Variants in RGS12 observed in about 807,000 individuals in gnomAD.
The protein encoded by RGS12 is regulator of G protein signaling 12.
RGS12 carries 66 observed loss-of-function variants against 120.1 expected under a neutral mutation model. The ratio of observed to expected loss-of-function variants is 0.55; its 90% CI spans 0.45 to 0.67. RGS12 has a LOEUF of 0.67. Among genes scored for constraint, RGS12 ranks in the 30% least tolerant of loss-of-function variants. The probability of loss-of-function intolerance (pLI) is 0.00; values close to 1 mark genes in which losing one functional copy is unlikely to be tolerated. For missense variants in RGS12, 1,859 were observed against 1,957.7 expected, an observed-to-expected ratio of 0.95 and a Z score of 0.95; for synonymous variants, 827 against 804.7, an observed-to-expected ratio of 1.03 and a Z score of -0.47.
At chr4:3,309,680 G>T (rs1176560919) in intron 1 of RGS12, among the ~76,000 whole-genome samples, 494 of 47,996 alleles carry the variant, frequency 0.01, no homozygotes, top group Admixed American at 0.015. Context: ...GCAGGTGTCC[G>T]CTGAGGGGAA....
At chr4:3,416,211 G>A (rs2109117916) in intron 7 of RGS12, 90 bp downstream of exon 7, 1 of 1,457,500 alleles carries the variant, frequency 6.9e-7, no homozygotes, top group African/African-American at 1.4e-5. Context: ...TATCAGGCAG[G>A]CCAGTGGATC....
intron 1 of RGS12, among the ~76,000 whole-genome samples, chr4:3,301,186 G>T (rs1177725662): frequency 2.0e-5 from 3 of 151,634 alleles, no homozygotes; most frequent in South Asian, 4.4e-4. Context: ...GTAACACGGG[G>T]TCTGTCCCGG....
intron 6 of RGS12, among the ~76,000 whole-genome samples, chr4:3,415,079 G>A (rs887595126): frequency 2.5e-4 from 37 of 145,422 alleles, no homozygotes; most frequent in African/African-American, 8.4e-4. Context: ...GTGTGAGGTC[G>A]CGTGTGTGAG....
chr4:3,321,892 T>G (rs1178127449), intron 2 of RGS12, among the ~76,000 whole-genome samples: 1 of 152,262 alleles, frequency 6.6e-6, no homozygotes, highest in Non-Finnish European at 1.5e-5. Flanking sequence ...CCTTTGAAAT[T>G]ACTGGCACCA....
chr4:3,343,933 T>G (rs1271212896), intron 3 of RGS12, among the ~76,000 whole-genome samples: 1 of 152,246 alleles, frequency 6.6e-6, no homozygotes, highest in Non-Finnish European at 1.5e-5. Flanking sequence ...TCCTTTTACT[T>G]GTTGTATGGC....
At chr4:3,318,193 C>G (rs2110411307) in intron 2 of RGS12, 142 bp downstream of exon 2, 15 of 724,342 alleles carry the variant, frequency 2.1e-5, no homozygotes, top group Middle Eastern at 4.0e-4. Flanking sequence ...CACAGGGTGT[C>G]TGCGTTGCCT....
chr4:3,311,305 T>C (rs1041205216), intron 1 of RGS12, among the ~76,000 whole-genome samples: 9 of 152,210 alleles, frequency 5.9e-5, no homozygotes, highest in African/African-American at 2.2e-4. Context: ...CCCATCTCTG[T>C]ACCTGCAGGT....
intron 17 of RGS12, among the ~76,000 whole-genome samples, chr4:3,437,778 G>T (rs1724947641): frequency 6.6e-6 from 1 of 152,212 alleles, no homozygotes; most frequent in Admixed American, 6.5e-5. Flanking sequence ...TGCTGGCTGG[G>T]CTGCTGCGTC....
intron 17 of RGS12, chr4:3,431,263 G>T: frequency 8.1e-7 from 1 of 1,233,330 alleles, no homozygotes; most frequent in Non-Finnish European, 1.0e-6. Flanking sequence ...CCTGGGTGAG[G>T]CCTGGGGGTT....
chr4:3,382,028 G>C (rs1354400890), intron 3 of RGS12, among the ~76,000 whole-genome samples: 1 of 152,148 alleles, frequency 6.6e-6, no homozygotes, highest in Admixed American at 6.5e-5. Context: ...AGTTTTATTT[G>C]TCAAAAAATA....
intron 4 of RGS12, among the ~76,000 whole-genome samples, chr4:3,394,424 A>G (rs1268520750): frequency 6.6e-6 from 1 of 152,160 alleles, no homozygotes; most frequent in Non-Finnish European, 1.5e-5. Context: ...TGGCCTCCCA[A>G]AGTGGTGGGA....
chr4:3,416,853 G>C (rs1577076467), intron 7 of RGS12, 60 bp from the exon 8 acceptor site: 1 of 1,503,262 alleles, frequency 6.7e-7, no homozygotes, highest in Admixed American at 1.9e-5. Flanking sequence ...GCAGCCTCGC[G>C]CCTGAGGCTG....
At chr4:3,413,206 C>T (rs550951253) in intron 4 of RGS12, 2 of 152,322 alleles carry the variant, frequency 1.3e-5, no homozygotes, top group East Asian at 3.9e-4. Flanking sequence ...GGGGCGCCCC[C>T]ACACTGCTCG....
intron 3 of RGS12, among the ~76,000 whole-genome samples, chr4:3,355,889 G>A (rs2108818187): frequency 6.6e-6 from 1 of 151,198 alleles, no homozygotes; most frequent in South Asian, 2.1e-4. Flanking sequence ...CAACAAGGTT[G>A]CTAGATATAT....
At chr4:3,362,644 GGT>G (rs1715750334) in intron 3 of RGS12, among the ~76,000 whole-genome samples, 2 of 140,414 alleles carry the variant, frequency 1.4e-5, no homozygotes, top group South Asian at 4.8e-4. Context: ...TGAGAGTGAG[GGT>G]GTGTCAGTGT....
rs909031019 is a variant in RGS12 at position 3,317,730 on chromosome 4, C to A, written c.1560C>A (p.Pro520=). The part of the protein sequence containing the change: ...VPPASLRSSV[P]PSKRGTVGAG... ...CAGCTTCCTTGAGGAGCTCAGTCCC[C>A]CCTTCCAAGAGGGGCACCGTGGGTG... Residue 520 remains proline, a synonymous_variant, in exon 2 of 18, where the codon CCC becomes CCA. Transcript: ENST00000336727. 6.8e-6 allele frequency: 11 copies of A among 1,613,450 alleles called. No homozygotes were observed. The African/African-American group carries it at 1.2e-4, about 18-fold the overall frequency.
upstream of RGS12, among the ~76,000 whole-genome samples, chr4:3,291,777 C>T (rs1723036442): frequency 6.6e-6 from 1 of 152,132 alleles, no homozygotes; most frequent in Non-Finnish European, 1.5e-5. Context: ...CTCCTTCAGC[C>T]CTGCAGGTGA....
At chr4:3,384,406 G>A (rs1229489001) in intron 3 of RGS12, among the ~76,000 whole-genome samples, 4 of 152,284 alleles carry the variant, frequency 2.6e-5, no homozygotes, top group South Asian at 2.1e-4. Flanking sequence ...CACTCACCTC[G>A]GCTTCCCAAA....
chr4:3,326,613 A>G (rs2108716907), intron 2 of RGS12, among the ~76,000 whole-genome samples: 1 of 152,374 alleles, frequency 6.6e-6, no homozygotes, highest in East Asian at 1.9e-4. Context: ...CAAATTCAGC[A>G]AAGTTGCAGG....
Sources: gnomAD v4.1 joint callset for allele counts (sites outside exome capture counted in the v4.1 genomes callset) on GRCh38, gnomAD v4.1.1 for gene constraint, MANE v1.5 for transcripts, NCBI Gene and HGNC (gene_info 2026-07-23, HGNC 2026-07-21) for gene names.